The following CACNA1E variants were observed in gnomAD, a reference collection of about 807,000 sequenced individuals.
CACNA1E encodes the protein calcium voltage-gated channel subunit alpha1 E.
Under a neutral mutation model 259.2 loss-of-function variants are expected in CACNA1E, and 40 were observed. The ratio of observed to expected loss-of-function variants is 0.15; its 90% CI spans 0.12 to 0.20. CACNA1E has a LOEUF of 0.20. Among genes scored for constraint, CACNA1E ranks in the 10% least tolerant of loss-of-function variants. The pLI, the probability that CACNA1E is intolerant of heterozygous loss-of-function variation, is 1.00. For missense variants in CACNA1E, 1,874 were observed against 3,040.1 expected (o/e 0.62, Z 9.02); for synonymous variants, 1,104 against 1,138.5 (o/e 0.97, Z 0.61).
chr1:181,648,286 G>T (rs1658464657), intron 6 of CACNA1E, among the ~76,000 whole-genome samples: 1 of 152,250 alleles, frequency 6.6e-6, no homozygotes, highest in Admixed American at 6.5e-5. Context: ...TGAGCAGACA[G>T]TTAAGGTTTC....
intron 35 of CACNA1E, among the ~76,000 whole-genome samples, chr1:181,768,599 G>A (rs954528050): frequency 1.2e-4 from 18 of 152,138 alleles, no homozygotes; most frequent in African/African-American, 4.3e-4. Flanking sequence ...CCCTCTAGTT[G>A]GAGGTAGAAG....
intron 6 of CACNA1E, among the ~76,000 whole-genome samples, chr1:181,630,392 A>C (rs11583538): frequency 0.13 from 17,988 of 138,338 alleles, 1,402 homozygotes; most frequent in South Asian, 0.31. Context: ...ATGCCCCCCC[A>C]CCCCGCCTTA....
rs188126438 is a variant in CACNA1E at position 181,610,347 on chromosome 1, A to G, written c.951+29571A>G. The stretch of plus-strand genomic sequence containing the variant: ...ACTAAGGTTGAGAACGCTCCTCCCA[A>G]ATATCTTGGGTAATTGGATGATCTA... On this transcript the variant is annotated intron_variant, in intron 6 of 47. Coordinates refer to ENST00000367573, the MANE Select transcript of CACNA1E (RefSeq NM_001205293.3). Among the ~76,000 whole-genome samples the G allele has an allele frequency of 4.4e-3, 672 of 152,250 alleles. 1 individual carries two copies. Among genetic ancestry groups the G allele is most frequent in the Admixed American group, 9.2e-3 (141 of 15,292 alleles).
intron 6 of CACNA1E, among the ~76,000 whole-genome samples, chr1:181,603,105 G>A (rs1013635670): frequency 6.6e-6 from 1 of 152,100 alleles, no homozygotes; most frequent in African/African-American, 2.4e-5. Flanking sequence ...AAACCTACTG[G>A]CCTTAAGAAT....
At chr1:181,564,620 G>A (rs1429847214) in intron 3 of CACNA1E, among the ~76,000 whole-genome samples, 1 of 152,172 alleles carries the variant, frequency 6.6e-6, no homozygotes, top group East Asian at 1.9e-4. Flanking sequence ...AATCATGAAT[G>A]TTCTTAATGG....
At chr1:181,465,104 T>C (rs1662072171) in intron 2 of CACNA1E, among the ~76,000 whole-genome samples, 1 of 152,182 alleles carries the variant, frequency 6.6e-6, no homozygotes, top group Non-Finnish European at 1.5e-5. Flanking sequence ...TGGAAAAGTC[T>C]TTATTTCGAG....
chr1:181,514,143 G>C (rs1360839147), intron 3 of CACNA1E, among the ~76,000 whole-genome samples: 1 of 152,184 alleles, frequency 6.6e-6, no homozygotes, highest in Non-Finnish European at 1.5e-5. Context: ...TAGTCTTACA[G>C]TCACATGATG....
At chr1:181,508,096 A>G (rs1665861105) in intron 1 of CACNA1E, among the ~76,000 whole-genome samples, 2 of 151,968 alleles carry the variant, frequency 1.3e-5, no homozygotes, top group Non-Finnish European at 2.9e-5. Context: ...TGAAAAAAAG[A>G]GTTACAAGGT....
chr1:181,498,126 G>C (rs1664931745), intron 1 of CACNA1E, among the ~76,000 whole-genome samples: 1 of 152,128 alleles, frequency 6.6e-6, no homozygotes, highest in South Asian at 2.1e-4. Flanking sequence ...CTGTTCTGGG[G>C]TACCCATAGT....
At chr1:181,389,317 G>A (rs78595101) in intron 1 of CACNA1E, among the ~76,000 whole-genome samples, 3,132 of 152,284 alleles carry the variant, frequency 0.021, 123 homozygotes, top group African/African-American at 0.069. Flanking sequence ...CACAAAAGGG[G>A]CCCTTGTGTA....
At chr1:181,678,017 G>C (rs902904338) in intron 7 of CACNA1E, among the ~76,000 whole-genome samples, 47 of 152,196 alleles carry the variant, frequency 3.1e-4, no homozygotes, top group Non-Finnish European at 6.2e-4. Flanking sequence ...CTGGATGGAG[G>C]GGGCAGGATG....
chr1:181,795,164 T>A (rs923273885), intron 46 of CACNA1E, 120 bp downstream of exon 46: 2 of 809,050 alleles, frequency 2.5e-6, no homozygotes, highest in Non-Finnish European at 3.8e-6. Flanking sequence ...CTGAAGAAAG[T>A]GAAGGATGCT....
intron 25 of CACNA1E, among the ~76,000 whole-genome samples, chr1:181,743,990 G>C (rs1415646224): frequency 6.6e-6 from 1 of 152,252 alleles, no homozygotes; most frequent in East Asian, 1.9e-4. Flanking sequence ...ATTTGCTGTT[G>C]TAGCAGGGCA....
In CACNA1E at chr1:181,417,676, C is replaced by T. The variant is rs1201820402; in HGVS notation, c.434+4096C>T. On this transcript the variant is annotated intron_variant, in intron 2 of 11. Coordinates refer to the CACNA1E transcript ENST00000524607. ...TTTCCCTTTTCTATTCACTCTCACACTCCTCTAGAGATTATTTCACATGCT... is the reference window on the plus strand; with the variant it reads ...TTTCCCTTTTCTATTCACTCTCACATTCCTCTAGAGATTATTTCACATGCT... Among the ~76,000 whole-genome samples the T allele has an allele frequency of 2.0e-5, 3 of 152,198 alleles. No homozygotes were observed. In the East Asian group the frequency reaches 5.8e-4, roughly 29 times the overall value.
At chr1:181,350,280 C>A (rs948212285) in intron 1 of CACNA1E, among the ~76,000 whole-genome samples, 1 of 152,240 alleles carries the variant, frequency 6.6e-6, no homozygotes, top group African/African-American at 2.4e-5. Context: ...TCCCGTGGAG[C>A]CTTCGCGGAG....
At chr1:181,514,891 A>C (rs1666448539) in intron 3 of CACNA1E, among the ~76,000 whole-genome samples, 1 of 152,130 alleles carries the variant, frequency 6.6e-6, no homozygotes, top group Non-Finnish European at 1.5e-5. Context: ...CATGGTTTAG[A>C]AAGCGCATTT....
At chr1:181,376,435 A>G (rs1655106923) in intron 1 of CACNA1E, among the ~76,000 whole-genome samples, 1 of 152,244 alleles carries the variant, frequency 6.6e-6, no homozygotes, top group Non-Finnish European at 1.5e-5. Context: ...CCAGTATAGC[A>G]GTGCAGAATA....
chr1:181,494,474 A>G (rs953756398), intron 1 of CACNA1E, among the ~76,000 whole-genome samples: 1 of 152,074 alleles, frequency 6.6e-6, no homozygotes, highest in Non-Finnish European at 1.5e-5. Context: ...TCAGGACTCT[A>G]TGTTTATATC....
At chr1:181,744,632 C>T (rs1656886982) in intron 25 of CACNA1E, among the ~76,000 whole-genome samples, 1 of 152,218 alleles carries the variant, frequency 6.6e-6, no homozygotes, top group African/African-American at 2.4e-5. Context: ...AGGCAGTCCC[C>T]TCAAACCTCC....
Sources: allele counts gnomAD v4.1 joint callset (sites outside exome capture counted in the v4.1 genomes callset), GRCh38; gene constraint gnomAD v4.1.1; transcripts MANE v1.5; gene names NCBI Gene and HGNC (gene_info 2026-07-23, HGNC 2026-07-21).